The following ACOT12 variants were observed in gnomAD, a reference collection of about 807,000 sequenced individuals.
ACOT12 encodes acetyl-coenzyme A thioesterase.
In ACOT12, 51 loss-of-function variants were observed where a neutral mutation model predicts 67.7. The ratio of observed to expected loss-of-function variants is 0.75; its 90% CI spans 0.60 to 0.95. The LOEUF (loss-of-function observed/expected upper bound fraction) is 0.95, where lower values mean the gene tolerates loss of function less well. Ranked by LOEUF, ACOT12 falls within the 40% of genes least tolerant of loss-of-function variation. The probability of loss-of-function intolerance (pLI) is 0.00; values close to 1 mark genes in which losing one functional copy is unlikely to be tolerated. For missense variants in ACOT12, 734 were observed against 708.1 expected (o/e 1.04, Z -0.41); for synonymous variants, 251 against 244.6 (o/e 1.03, Z -0.24).
At chr5:81,324,967 G>T in the ACOT12 span, among the ~76,000 whole-genome samples, 1 of 152,164 alleles carries the variant, frequency 6.6e-6, no homozygotes, top group Non-Finnish European at 1.5e-5. Flanking sequence ...CAGGATTTAG[G>T]AAATGCATCC....
At chr5:81,348,358 T>A (rs1759447500) in intron 5 of ACOT12, among the ~76,000 whole-genome samples, 1 of 152,194 alleles carries the variant, frequency 6.6e-6, no homozygotes, top group African/African-American at 2.4e-5. Flanking sequence ...TCAAATTATA[T>A]GCTTTAAATA....
chr5:81,341,764 T>C (rs972760200), intron 11 of ACOT12, among the ~76,000 whole-genome samples: 4 of 152,230 alleles, frequency 2.6e-5, no homozygotes, highest in Middle Eastern at 3.4e-3. Context: ...ATGATCCAAA[T>C]GATGTATGTC....
intron 14 of ACOT12, 21 bp downstream of exon 14, chr5:81,330,793 C>T: frequency 6.2e-7 from 1 of 1,608,294 alleles, no homozygotes; most frequent in African/African-American, 1.3e-5. Flanking sequence ...AATTAATCTG[C>T]AGATGTTTCA....
chr5:81,394,129 C>T lies in ACOT12; in HGVS notation c.-15G>A. ...GGCCGCTCCATGGCCAGGGCGAGAG[C>T]GCTACGCCTGCGGCCCCCGACACCC... is the stretch of plus-strand genomic sequence containing the variant. On this transcript the variant is annotated 5_prime_UTR_variant, in exon 1 of 15. Transcript: ENST00000307624. The T allele has an allele frequency of 7.8e-6, 11 of 1,417,712 alleles. No individual in the cohort carries two copies. In the African/African-American group the frequency reaches 1.0e-4, roughly 13 times the overall value. 87.8% of individuals were successfully genotyped at this position (1,417,712 alleles called of 1,614,324 possible).
In ACOT12 at chr5:81,344,181, C is replaced by T. The variant is rs78935755; in HGVS notation, c.959G>A (p.Arg320His). ...TTACCTGCCTAGGCGAATTCGCTTGCGTGCAATAGCTCCCCGATAGCGTCT... is the reference window on the plus strand; with the variant it reads ...TTACCTGCCTAGGCGAATTCGCTTGTGTGCAATAGCTCCCCGATAGCGTCT... ...DFRRYRGAIA[R>H]KRIRLGRKYV... The change falls in exon 9 of 15, where the codon CGC becomes CAC. Residue 320 changes from arginine (R) to histidine (H), a missense_variant. Transcript: ENST00000307624. 4.2e-4 allele frequency: 676 copies of T among 1,613,684 alleles called. No homozygotes were observed. The highest frequency in any genetic ancestry group is 5.3e-4 in the Non-Finnish European group (628 of 1,179,812).
intron 2 of ACOT12, among the ~76,000 whole-genome samples, chr5:81,384,968 T>C (rs904010844): frequency 6.6e-6 from 1 of 152,192 alleles, no homozygotes; most frequent in Non-Finnish European, 1.5e-5. Context: ...GTTTGAAATG[T>C]TTGTGTATCT....
the ACOT12 span, among the ~76,000 whole-genome samples, chr5:81,309,715 C>G: frequency 6.6e-6 from 1 of 152,110 alleles, no homozygotes; most frequent in African/African-American, 2.4e-5. Context: ...AGCACTGCCA[C>G]TCACTAGCTG....
chr5:81,317,673 A>G, the ACOT12 span, among the ~76,000 whole-genome samples: 1 of 152,036 alleles, frequency 6.6e-6, no homozygotes, highest in Non-Finnish European at 1.5e-5. Flanking sequence ...GGTGCTACAC[A>G]CTTTCAAACA....
intron 2 of ACOT12, among the ~76,000 whole-genome samples, chr5:81,380,727 A>G (rs1032364980): frequency 1.3e-5 from 2 of 152,208 alleles, no homozygotes; most frequent in South Asian, 4.1e-4. Flanking sequence ...TGAAAAATGT[A>G]GTGCGTCTCC....
At chr5:81,341,307 A>G (rs889418259) in intron 11 of ACOT12, among the ~76,000 whole-genome samples, 2 of 152,252 alleles carry the variant, frequency 1.3e-5, no homozygotes, top group Admixed American at 6.5e-5. Context: ...TAATGAGGAC[A>G]GAGAACTCAT....
rs138000104 is a variant in ACOT12, at chr5:81,385,731, A to G, written c.197+26T>C. On this transcript the variant is annotated intron_variant, in intron 2 of 14. Transcript: ENST00000307624. ...AGATGAACCCACAAACCCAGGAGAA[A>G]GGAGCCATGGAGCAATGTCACTTAC... 887 of 1,612,160 alleles carry G rather than the reference A, an allele frequency of 5.5e-4. 4 individuals are homozygous for G. In the African/African-American group the frequency reaches 0.011, roughly 20 times the overall value.
At chr5:81,342,129 T>C (rs985718403) in intron 11 of ACOT12, among the ~76,000 whole-genome samples, 1 of 152,174 alleles carries the variant, frequency 6.6e-6, no homozygotes, top group African/African-American at 2.4e-5. Context: ...TAGCTAAGAC[T>C]ACAAGTGTCT....
At chr5:81,345,160 AG>A in intron 7 of ACOT12, 119 bp from the exon 8 acceptor site, 1 of 1,317,908 alleles carries the variant, frequency 7.6e-7, no homozygotes, top group South Asian at 1.4e-5. Context: ...CAGGAGGATA[AG>A]GGCCTGGGTT....
chr5:81,315,595 CAG>C, the ACOT12 span, among the ~76,000 whole-genome samples: 4 of 152,156 alleles, frequency 2.6e-5, no homozygotes, highest in East Asian at 1.9e-4. Context: ...AAGGAATCAA[CAG>C]AGAGATGATG....
intron 3 of ACOT12, among the ~76,000 whole-genome samples, chr5:81,367,416 C>T (rs1055951490): frequency 2.0e-5 from 3 of 152,020 alleles, no homozygotes; most frequent in Non-Finnish European, 4.4e-5. Flanking sequence ...ACAATAACGG[C>T]ACAAAGGCTG....
At chr5:81,329,625 T>C (rs928819422), downstream of ACOT12, among the ~76,000 whole-genome samples, 2 of 152,204 alleles carry the variant, frequency 1.3e-5, no homozygotes, top group Admixed American at 6.5e-5. Context: ...TAGCTTGCCA[T>C]ATTCTGGCTT....
intron 4 of ACOT12, among the ~76,000 whole-genome samples, chr5:81,361,015 T>G (rs1325278191): frequency 6.9e-6 from 1 of 145,966 alleles, no homozygotes; most frequent in Non-Finnish European, 1.5e-5. Context: ...GAGAAGGAGG[T>G]TGCAGTGAGC....
In ACOT12 at chr5:81,334,469, G is replaced by A. The variant is rs12517108; in HGVS notation, c.1262+1299C>T. Among the ~76,000 whole-genome samples, 21 of 152,226 alleles carry A rather than the reference G, an allele frequency of 1.4e-4. No homozygotes were observed. The East Asian group carries it at 3.7e-3, about 27-fold the overall frequency. On this transcript the variant is annotated intron_variant, in intron 12 of 14. Transcript: ENST00000307624. ...ATCCCTCTAGGGGTTTGAGCAGCAC[G>A]GAAGAAACAAGCCACACCCTTGTCG...
At chr5:81,355,711 G>C (rs561688293) in intron 5 of ACOT12, among the ~76,000 whole-genome samples, 1 of 152,204 alleles carries the variant, frequency 6.6e-6, no homozygotes, top group Non-Finnish European at 1.5e-5. Flanking sequence ...GAGTAAGTCC[G>C]GTGGGAGGAG....
Sources: gnomAD v4.1 joint callset for allele counts (sites outside exome capture counted in the v4.1 genomes callset) on GRCh38, gnomAD v4.1.1 for gene constraint, MANE v1.5 for transcripts, NCBI Gene and HGNC (gene_info 2026-07-23, HGNC 2026-07-21) for gene names.